COL9A1: variants seen among roughly 807,000 people sequenced by gnomAD.
COL9A1 encodes the protein collagen alpha-1(IX) chain.
A neutral mutation model predicts 142.6 loss-of-function variants in COL9A1; 104 were observed. That is an observed-to-expected ratio of 0.73 (90% CI 0.62 to 0.86). The LOEUF is 0.86. Among genes scored for constraint, COL9A1 ranks in the 40% least tolerant of loss-of-function variants. The probability of loss-of-function intolerance (pLI) is 0.00; values close to 1 mark genes in which losing one functional copy is unlikely to be tolerated. For synonymous variants in COL9A1, 466 were observed against 396.0 expected (o/e 1.18, Z -2.10); for missense variants, 1,210 against 1,176.6 (o/e 1.03, Z -0.42).
intron 37 of COL9A1, among the ~76,000 whole-genome samples, chr6:70,219,746 T>A (rs1213202069): frequency 6.6e-6 from 1 of 152,238 alleles, no homozygotes; most frequent in Non-Finnish European, 1.5e-5. Flanking sequence ...GAACTTCTGA[T>A]AATTTTCAAG....
intron 2 of COL9A1, 38 bp from the exon 3 acceptor site, chr6:70,300,424 T>A (rs1174030796): frequency 2.6e-6 from 3 of 1,136,706 alleles, no homozygotes; most frequent in Middle Eastern, 1.9e-4. Flanking sequence ...CTTCATCCAC[T>A]CTAACTTAAA....
intron 14 of COL9A1, 110 bp from the exon 15 acceptor site, chr6:70,270,477 A>T: frequency 1.1e-6 from 1 of 910,712 alleles, no homozygotes; most frequent in South Asian, 1.8e-5. Flanking sequence ...CACCGAGCTC[A>T]GCCATGCATA....
chr6:70,216,887 A>G lies in COL9A1; in HGVS notation c.*10T>C. ...TGGTTCATGCAGACAGCCATGCAGC[A>G]GTAAGCCTTTCAAGGGTCAGGCCCT... On this transcript the variant is annotated 3_prime_UTR_variant, in exon 38 of 38. Transcript: ENST00000357250. 1 of 1,613,806 alleles carries G rather than the reference A, an allele frequency of 6.2e-7. No homozygotes were observed.
chr6:70,258,518 A>G (rs1771474374), intron 20 of COL9A1: 1 of 152,230 alleles, frequency 6.6e-6, no homozygotes. Flanking sequence ...CCTAAAAAGT[A>G]GGACAGAGCA....
At chr6:70,219,760 G>T (rs754729533) in intron 37 of COL9A1, among the ~76,000 whole-genome samples, 5 of 152,116 alleles carry the variant, frequency 3.3e-5, no homozygotes, top group African/African-American at 7.2e-5. Flanking sequence ...TTTCAAGAGA[G>T]GCCAGGAAGC....
rs1768533990 is a variant in COL9A1 at position 70,216,802 on chromosome 6, G to A, written c.*95C>T. The A allele has an allele frequency of 7.9e-7, 1 of 1,259,810 alleles. No homozygotes were observed. Among genetic ancestry groups the A allele is most frequent in the Admixed American group, 1.8e-5 (1 of 55,070 alleles). 78.0% of individuals were successfully genotyped at this position (1,259,810 alleles called of 1,614,324 possible). A position where few individuals can be genotyped will look rare whatever the true frequency, so the allele number is the denominator to read the frequency against. On this transcript the variant is annotated 3_prime_UTR_variant, in exon 38 of 38. Coordinates refer to ENST00000357250, the MANE Select transcript of COL9A1 (RefSeq NM_001851.6). ...GGTAATACATTGTAATCATGCTGAA[G>A]GTAATCATCTTTGCCCCAGCTTTGG...
chr6:70,239,030 T>C (rs1770081157), intron 33 of COL9A1, among the ~76,000 whole-genome samples: 1 of 152,124 alleles, frequency 6.6e-6, no homozygotes, highest in South Asian at 2.1e-4. Context: ...TCCCAGCTAC[T>C]TGGGAGGCTA....
intron 23 of COL9A1, 54 bp from the exon 24 acceptor site, chr6:70,255,070 C>T (rs745604951): frequency 1.1e-5 from 17 of 1,613,136 alleles, no homozygotes; most frequent in Admixed American, 3.3e-5. Flanking sequence ...CATTCTTTTT[C>T]CCTTCATTAT....
chr6:70,248,669 T>C (rs1770743024), intron 28 of COL9A1, among the ~76,000 whole-genome samples: 1 of 152,168 alleles, frequency 6.6e-6, no homozygotes, highest in South Asian at 2.1e-4. Context: ...TTATAGCAGG[T>C]GAGAAGTCAG....
At chr6:70,298,213 T>C (rs1370902656) in intron 4 of COL9A1, among the ~76,000 whole-genome samples, 1 of 152,228 alleles carries the variant, frequency 6.6e-6, no homozygotes, top group Non-Finnish European at 1.5e-5. Context: ...TCACCACTAA[T>C]AATAAACACT....
At position 70,280,896 on chromosome 6, in the gene COL9A1, C is replaced by A. The variant is rs761226998; in HGVS notation, c.913-22G>T. 6 of 1,612,698 alleles carry A rather than the reference C, an allele frequency of 3.7e-6. No individual in the cohort carries two copies. The African/African-American group carries it at 4.0e-5, about 11-fold the overall frequency. On this transcript the variant is annotated intron_variant, in intron 9 of 37. Coordinates refer to ENST00000357250, the MANE Select transcript of COL9A1 (RefSeq NM_001851.6). The stretch of plus-strand genomic sequence containing the variant: ...GACCCTGAGCAGGGGCAGAAGGGTG[C>A]GGGGGCAGGAGAGAAAAAGGTGCAA...
At position 70,216,389 on chromosome 6, in the gene COL9A1, C is replaced by T. The variant is rs948278820; in HGVS notation, c.*508G>A. 5 of 171,004 alleles carry T rather than the reference C, an allele frequency of 2.9e-5. No homozygotes were observed. The highest frequency in any genetic ancestry group is 1.2e-4 in the African/African-American group (5 of 41,630). 10.6% of individuals were successfully genotyped at this position (171,004 alleles called of 1,614,324 possible). ...TAGCCCTTTCTTATCACTCCAGAGA[C>T]AGCACATCGATGAGATTTTAAGCAC... On this transcript the variant is annotated 3_prime_UTR_variant, in exon 38 of 38. Transcript: ENST00000357250.
intron 5 of COL9A1, among the ~76,000 whole-genome samples, chr6:70,292,202 T>C (rs1773686867): frequency 6.6e-6 from 1 of 152,160 alleles, no homozygotes; most frequent in Non-Finnish European, 1.5e-5. Flanking sequence ...TTAGCTATCA[T>C]TGTCACTGTC....
Position 70,260,683 on chromosome 6 carries a change from C to A in COL9A1, c.1423G>T (p.Gly475Cys), listed in dbSNP as rs143320197. ...PGAQGLRGIT[G>C]IVGDKGEKGA... is the part of the protein sequence containing the mutation. ...TTTTCCCCTTTGTCCCCAACTATGCCGGTGATGCCTCGCAAACCCTGGGCT... is the reference window on the plus strand; with the variant it reads ...TTTTCCCCTTTGTCCCCAACTATGCAGGTGATGCCTCGCAAACCCTGGGCT... Residue 475 changes from glycine to cysteine, a missense_variant, in exon 20 of 38, where the codon GGC (glycine) becomes TGC (cysteine). By Grantham distance (159) the Gly-to-Cys change is radical. Coordinates refer to ENST00000357250, the MANE Select transcript of COL9A1 (RefSeq NM_001851.6). 3 of 1,613,908 alleles carry A rather than the reference C, an allele frequency of 1.9e-6. No homozygotes were observed. In the East Asian group the frequency reaches 6.7e-5, roughly 36 times the overall value.
At chr6:70,233,580 C>G (rs990683040) in intron 35 of COL9A1, among the ~76,000 whole-genome samples, 3 of 152,044 alleles carry the variant, frequency 2.0e-5, no homozygotes, top group African/African-American at 7.2e-5. Context: ...AAATTTCTAC[C>G]CAACATTTTT....
intron 37 of COL9A1, among the ~76,000 whole-genome samples, chr6:70,221,184 C>T (rs1258484035): frequency 6.6e-6 from 1 of 152,036 alleles, no homozygotes; most frequent in Middle Eastern, 3.4e-3. Context: ...AAGCCCATCT[C>T]GGCTGGATCA....
At chr6:70,265,366 G>T (rs1771942463) in intron 18 of COL9A1, among the ~76,000 whole-genome samples, 1 of 152,004 alleles carries the variant, frequency 6.6e-6, no homozygotes, top group Non-Finnish European at 1.5e-5. Flanking sequence ...TACTACATCT[G>T]CTTTACTGCA....
chr6:70,282,848 T>A, intron 7 of COL9A1, 50 bp downstream of exon 7: 1 of 1,613,796 alleles, frequency 6.2e-7, no homozygotes, highest in Non-Finnish European at 8.5e-7. Context: ...CGCCCCGACC[T>A]GTCCTCGTGT....
At chr6:70,239,577 T>C (rs970269370) in intron 32 of COL9A1, among the ~76,000 whole-genome samples, 9 of 152,180 alleles carry the variant, frequency 5.9e-5, no homozygotes, top group Non-Finnish European at 1.3e-4. Flanking sequence ...ATGCTAGGTG[T>C]CAAGAATTAA....
Sources: gnomAD v4.1 joint callset for allele counts (sites outside exome capture counted in the v4.1 genomes callset) on GRCh38, gnomAD v4.1.1 for gene constraint, MANE v1.5 for transcripts, NCBI Gene and HGNC (gene_info 2026-07-23, HGNC 2026-07-21) for gene names.